RBFOX1: variants seen among roughly 807,000 people sequenced by gnomAD.
RBFOX1 encodes the protein RNA binding protein fox-1 homolog 1.
A neutral mutation model predicts 57.7 loss-of-function variants in RBFOX1; 8 were observed. The ratio of observed to expected loss-of-function variants is 0.14; its 90% confidence interval spans 0.08 to 0.25. The LOEUF (loss-of-function observed/expected upper bound fraction) is 0.25, where lower values mean the gene tolerates loss of function less well. Among genes scored for constraint, RBFOX1 ranks in the 10% least tolerant of loss-of-function variants. The pLI, the probability that RBFOX1 is intolerant of heterozygous loss-of-function variation, is 1.00. For missense variants in RBFOX1, 611 were observed against 548.5 expected (o/e 1.11, Z -1.14); for synonymous variants, 326 against 222.4 (o/e 1.47, Z -4.15).
At chr16:5,699,929 G>T (rs2050978094) in intron 3 of RBFOX1, among the ~76,000 whole-genome samples, 1 of 152,132 alleles carries the variant, frequency 6.6e-6, no homozygotes, top group Admixed American at 6.5e-5. Flanking sequence ...TGCCTCCCGG[G>T]TTCACGCCAT....
intron 1 of RBFOX1, among the ~76,000 whole-genome samples, chr16:6,240,559 T>C (rs147788680): frequency 2.0e-5 from 3 of 152,124 alleles, no homozygotes; most frequent in Non-Finnish European, 4.4e-5. Context: ...CATCTTATAC[T>C]TTGTCTGCAA....
intron 1 of RBFOX1, among the ~76,000 whole-genome samples, chr16:5,391,462 G>C (rs936869537): frequency 6.6e-6 from 1 of 152,078 alleles, no homozygotes; most frequent in African/African-American, 2.4e-5. Flanking sequence ...CCACATGTAA[G>C]GTCCCTTGGG....
intron 2 of RBFOX1, among the ~76,000 whole-genome samples, chr16:6,551,950 A>C (rs541477797): frequency 6.6e-6 from 1 of 152,242 alleles, no homozygotes; most frequent in Non-Finnish European, 1.5e-5. Flanking sequence ...TTTGGATTTC[A>C]GAAGGATTTG....
At chr16:5,262,711 A>G (rs1312286901) in intron 1 of RBFOX1, among the ~76,000 whole-genome samples, 1 of 152,238 alleles carries the variant, frequency 6.6e-6, no homozygotes, top group Non-Finnish European at 1.5e-5. Context: ...GGATGACCCA[A>G]GGAAAAGCAT....
intron 4 of RBFOX1, among the ~76,000 whole-genome samples, chr16:7,455,062 G>T (rs867327452): frequency 2.0e-5 from 3 of 152,176 alleles, no homozygotes; most frequent in Non-Finnish European, 2.9e-5. Context: ...CAGGTACCAT[G>T]CTAGGCACAA....
chr16:5,636,413 C>G (rs1286434246), intron 3 of RBFOX1, among the ~76,000 whole-genome samples: 1 of 152,166 alleles, frequency 6.6e-6, no homozygotes, highest in East Asian at 1.9e-4. Flanking sequence ...GGACACTTTA[C>G]TGGTTATTGC....
At position 6,637,564 on chromosome 16, in the gene RBFOX1, T is replaced by TCTATATAGTATATATAGAAGAG. The variant is rs756936561; in HGVS notation, c.-63-17039_-63-17038insCTATATAGTATATATAGAAGAG. Among the ~76,000 whole-genome samples the TCTATATAGTATATATAGAAGAG allele has an allele frequency of 3.9e-5, 5 of 128,476 alleles. No homozygotes were observed. In the South Asian group the frequency reaches 8.9e-4, roughly 23 times the overall value. The allele number at this position is 128,476 out of a possible 152,430, so 84.3% of individuals were successfully genotyped here. A position where few individuals can be genotyped will look rare whatever the true frequency, so the allele number is the denominator to read the frequency against. On this transcript the variant is annotated intron_variant, in intron 2 of 15. Transcript: ENST00000550418. ...TACAATCTGCATAGTATATATAATA[T>TCTATATAGTATATATAGAAGAG]TCTATATAGTATATATATAATAGTC...
At chr16:6,890,887 G>A (rs1324173011) in intron 3 of RBFOX1, among the ~76,000 whole-genome samples, 1 of 152,188 alleles carries the variant, frequency 6.6e-6, no homozygotes, top group East Asian at 1.9e-4. Context: ...GATGAAGTCA[G>A]GGGTATGAAG....
intron 5 of RBFOX1, among the ~76,000 whole-genome samples, chr16:7,556,646 G>T (rs987989053): frequency 6.6e-6 from 1 of 152,116 alleles, no homozygotes; most frequent in Non-Finnish European, 1.5e-5. Flanking sequence ...CACTGGTTCA[G>T]TTCTAAGACC....
chr16:7,125,639 C>T (rs761169856), intron 4 of RBFOX1, among the ~76,000 whole-genome samples: 1 of 152,050 alleles, frequency 6.6e-6, no homozygotes, highest in Non-Finnish European at 1.5e-5. Flanking sequence ...ATCGTTAACT[C>T]TACAGAGGAA....
intron 3 of RBFOX1, chr16:5,611,133 A>C (rs2047770983): frequency 6.6e-6 from 1 of 152,266 alleles, no homozygotes; most frequent in African/African-American, 2.4e-5. Context: ...TCTGTTGGCA[A>C]CATCTCCATC....
intron 3 of RBFOX1, among the ~76,000 whole-genome samples, chr16:5,852,602 C>T (rs902900537): frequency 1.3e-5 from 2 of 152,154 alleles, no homozygotes; most frequent in African/African-American, 4.8e-5. Context: ...GCTGAGAGTC[C>T]TGATCAACCA....
At chr16:6,742,477 C>T (rs1013173384) in intron 3 of RBFOX1, among the ~76,000 whole-genome samples, 2 of 152,088 alleles carry the variant, frequency 1.3e-5, no homozygotes, top group Admixed American at 6.6e-5. Flanking sequence ...CATTTCTGGA[C>T]ATTTATTCCA....
intron 4 of RBFOX1, among the ~76,000 whole-genome samples, chr16:7,282,726 C>T (rs920305324): frequency 5.9e-5 from 9 of 152,304 alleles, no homozygotes; most frequent in African/African-American, 1.4e-4. Context: ...TTACCCCTCA[C>T]CTCCTTCCCA....
At chr16:5,866,542 A>C (rs1247334907) in intron 3 of RBFOX1, among the ~76,000 whole-genome samples, 1 of 152,240 alleles carries the variant, frequency 6.6e-6, no homozygotes, top group Non-Finnish European at 1.5e-5. Context: ...TGATCTCTAG[A>C]TAGGAGACCC....
At chr16:7,484,403 A>T in intron 4 of RBFOX1, among the ~76,000 whole-genome samples, 1 of 152,126 alleles carries the variant, frequency 6.6e-6, no homozygotes, top group Non-Finnish European at 1.5e-5. Context: ...CTAGGATACC[A>T]TTATTGTTGT....
In RBFOX1 at chr16:6,957,524, G is replaced by C. The variant is rs1296330420; in HGVS notation, c.-15-94533G>C. Among the ~76,000 whole-genome samples, 3 of 152,126 alleles carry C rather than the reference G, an allele frequency of 2.0e-5. No homozygotes were observed. In the East Asian group the frequency reaches 5.8e-4, roughly 29 times the overall value. On this transcript the variant is annotated intron_variant, in intron 3 of 15. Coordinates refer to ENST00000550418, the MANE Select transcript of RBFOX1 (RefSeq NM_018723.4). ...ATTTATAAACTTTCACCGTGCTGGGGGGAGTGTAGCAGTGGGGACGATCAG... is the reference window on the plus strand; with the variant it reads ...ATTTATAAACTTTCACCGTGCTGGGCGGAGTGTAGCAGTGGGGACGATCAG...
intron 1 of RBFOX1, among the ~76,000 whole-genome samples, chr16:6,261,429 C>T (rs993476775): frequency 6.6e-6 from 1 of 152,210 alleles, no homozygotes; most frequent in African/African-American, 2.4e-5. Context: ...CAGCCTCTCC[C>T]AGATGTCAGA....
chr16:5,689,396 A>C (rs1163288905), intron 3 of RBFOX1, among the ~76,000 whole-genome samples: 2 of 152,220 alleles, frequency 1.3e-5, no homozygotes, highest in African/African-American at 4.8e-5. Flanking sequence ...GGTAAATGGT[A>C]ACTATGATTG....
Sources: gnomAD v4.1 joint callset for allele counts (sites outside exome capture counted in the v4.1 genomes callset) on GRCh38, gnomAD v4.1.1 for gene constraint, MANE v1.5 for transcripts, NCBI Gene and HGNC (gene_info 2026-07-23, HGNC 2026-07-21) for gene names.